The following LY86 variants were observed in gnomAD, a reference collection of about 807,000 sequenced individuals.
The protein encoded by LY86 is MD-1, RP105-associated.
Under a neutral mutation model 17.3 loss-of-function variants are expected in LY86, and 20 were observed. The ratio of observed to expected loss-of-function variants is 1.15; its 90% CI spans 0.81 to 1.68. The LOEUF is 1.68. LY86 is among the 40% of genes most tolerant of loss of function. The pLI is 0.00. For missense variants in LY86, 200 were observed against 191.9 expected (o/e 1.04, Z -0.25); for synonymous variants, 74 against 70.6 (o/e 1.05, Z -0.24).
At chr6:6,620,335 T>C (rs1392874914) in intron 1 of LY86, among the ~76,000 whole-genome samples, 1 of 152,140 alleles carries the variant, frequency 6.6e-6, no homozygotes, top group African/African-American at 2.4e-5. Context: ...TATTTCAAAA[T>C]ATAAAGCTAA....
At chr6:6,603,598 AG>A (rs1442077402) in intron 1 of LY86, among the ~76,000 whole-genome samples, 5,674 of 54,004 alleles carry the variant, frequency 0.11, 110 homozygotes, top group East Asian at 0.17. Flanking sequence ...AAACAAAAAC[AG>A]AAACAGAAAA....
At chr6:6,613,654 G>A (rs1253468483) in intron 1 of LY86, among the ~76,000 whole-genome samples, 3 of 152,238 alleles carry the variant, frequency 2.0e-5, no homozygotes, top group Non-Finnish European at 2.9e-5. Flanking sequence ...GCAAGCTGAG[G>A]GAGCCGGCTC....
intron 3 of LY86, among the ~76,000 whole-genome samples, chr6:6,644,530 C>T (rs1271621019): frequency 5.3e-5 from 8 of 151,624 alleles, no homozygotes; most frequent in African/African-American, 1.9e-4. Context: ...AAAAGGAAGA[C>T]ACAGGCCCTC....
intron 1 of LY86, among the ~76,000 whole-genome samples, chr6:6,589,746 T>A (rs1439446210): frequency 6.6e-6 from 1 of 151,746 alleles, no homozygotes; most frequent in Non-Finnish European, 1.5e-5. Context: ...TGTGTCCTCA[T>A]CTCCTCTTCT....
intron 4 of LY86, among the ~76,000 whole-genome samples, chr6:6,651,482 A>G (rs766227473): frequency 2.0e-5 from 3 of 152,154 alleles, no homozygotes; most frequent in Non-Finnish European, 4.4e-5. Flanking sequence ...GTAAAATACA[A>G]AAGTTTTGCA....
At chr6:6,622,875 G>C (rs1353249117) in intron 1 of LY86, 1 of 152,200 alleles carries the variant, frequency 6.6e-6, no homozygotes, top group African/African-American at 2.4e-5. Flanking sequence ...ATATGTAGTT[G>C]AGGTTCTACT....
rs967144998 is a variant in LY86, at chr6:6,654,196, G to T, written c.406-348G>T. 2.0e-5 allele frequency among the ~76,000 whole-genome samples: 3 copies of T among 152,054 alleles called. 1 individual carries two copies. In the South Asian group the frequency reaches 6.2e-4, roughly 32 times the overall value. On this transcript the variant is annotated intron_variant, in intron 4 of 4. Coordinates refer to ENST00000230568, the MANE Select transcript of LY86 (RefSeq NM_004271.4). ...CTTCTTGCATCTGCTTCAGGTCTTT[G>T]CCTAAATGTCGTCGTCTCAGCAGGG...
At chr6:6,647,963 TCACATACACACACA>T (rs1554126763) in intron 3 of LY86, among the ~76,000 whole-genome samples, 1 of 127,888 alleles carries the variant, frequency 7.8e-6, no homozygotes, top group African/African-American at 3.1e-5. Flanking sequence ...TCTTCAATCA[TCACATACACACACA>T]CACACACACA....
At chr6:6,606,502 C>A (rs1466482275) in intron 1 of LY86, among the ~76,000 whole-genome samples, 3 of 152,192 alleles carry the variant, frequency 2.0e-5, no homozygotes, top group Non-Finnish European at 2.9e-5. Context: ...GTCGATGGGA[C>A]CGGGGCGCCG....
At chr6:6,612,300 C>T (rs760049359) in intron 1 of LY86, among the ~76,000 whole-genome samples, 35 of 152,180 alleles carry the variant, frequency 2.3e-4, no homozygotes, top group Admixed American at 1.2e-3. Context: ...GGTTAGTGGC[C>T]TTGCTAACTT....
chr6:6,624,864 T>C (rs1365273296), intron 1 of LY86, 62 bp from the exon 2 acceptor site: 1 of 737,432 alleles, frequency 1.4e-6, no homozygotes, highest in African/African-American at 1.8e-5. Flanking sequence ...GTTGCAAATT[T>C]TGAATATGTT....
At chr6:6,620,072 G>A (rs1439134859) in intron 1 of LY86, among the ~76,000 whole-genome samples, 1 of 152,058 alleles carries the variant, frequency 6.6e-6, no homozygotes, top group African/African-American at 2.4e-5. Flanking sequence ...CCTGAGAGGA[G>A]GAAGACCAAT....
chr6:6,605,772 C>A (rs1302249631), intron 1 of LY86, among the ~76,000 whole-genome samples: 3 of 152,206 alleles, frequency 2.0e-5, no homozygotes, highest in Non-Finnish European at 4.4e-5. Context: ...CTTTCTGATG[C>A]TGGGATGTGT....
At chr6:6,606,884 G>A (rs1309453282) in intron 1 of LY86, among the ~76,000 whole-genome samples, 1 of 152,286 alleles carries the variant, frequency 6.6e-6, no homozygotes, top group Non-Finnish European at 1.5e-5. Context: ...CAGTGCAACG[G>A]CAGGCTGAAG....
chr6:6,616,273 G>A (rs1427538329), intron 1 of LY86, among the ~76,000 whole-genome samples: 2 of 152,106 alleles, frequency 1.3e-5, no homozygotes, highest in African/African-American at 4.8e-5. Context: ...TTGAATCCTA[G>A]GAGGACCAGG....
intron 3 of LY86, among the ~76,000 whole-genome samples, chr6:6,627,479 G>A (rs564707323): frequency 1.4e-4 from 22 of 152,088 alleles, no homozygotes; most frequent in Non-Finnish European, 3.1e-4. Flanking sequence ...CACCACCCTC[G>A]CCATCCCTCC....
intron 3 of LY86, among the ~76,000 whole-genome samples, chr6:6,649,275 C>T (rs1166759621): frequency 6.6e-6 from 1 of 152,202 alleles, no homozygotes; most frequent in Non-Finnish European, 1.5e-5. Context: ...CCCACTGGGT[C>T]CCTCCCATGA....
chr6:6,590,247 G>A (rs913787270), intron 1 of LY86, among the ~76,000 whole-genome samples: 9 of 151,230 alleles, frequency 6.0e-5, no homozygotes, highest in Non-Finnish European at 1.0e-4. Context: ...ATCATAGATC[G>A]TTTTGAACCC....
intron 1 of LY86, among the ~76,000 whole-genome samples, chr6:6,607,053 T>G (rs963627127): frequency 1.3e-5 from 2 of 152,178 alleles, no homozygotes; most frequent in Non-Finnish European, 2.9e-5. Context: ...ACGTGAACAC[T>G]AGGAGGGGGT....
Sources: allele counts gnomAD v4.1 joint callset (sites outside exome capture counted in the v4.1 genomes callset), GRCh38; gene constraint gnomAD v4.1.1; transcripts MANE v1.5; gene names NCBI Gene and HGNC (gene_info 2026-07-23, HGNC 2026-07-21).